KIF2C: variants seen among roughly 807,000 people sequenced by gnomAD.
KIF2C encodes kinesin-like protein KIF2C.
In KIF2C, 34 loss-of-function variants were observed where a neutral mutation model predicts 97.4. The ratio of observed to expected loss-of-function variants is 0.35; its 90% confidence interval spans 0.27 to 0.46. The LOEUF (loss-of-function observed/expected upper bound fraction) is 0.46, where lower values mean the gene tolerates loss of function less well. KIF2C is among the 20% of genes least tolerant of loss of function. The probability of loss-of-function intolerance (pLI) is 1.00; values close to 1 mark genes in which losing one functional copy is unlikely to be tolerated. For missense variants in KIF2C, 750 were observed against 907.6 expected, an observed-to-expected ratio of 0.83 and a Z score of 2.23; for synonymous variants, 313 against 318.2, an observed-to-expected ratio of 0.98 and a Z score of 0.17.
intron 1 of KIF2C, 109 bp downstream of exon 1, chr1:44,740,111 C>T (rs1479152618): frequency 1.5e-6 from 2 of 1,324,860 alleles, no homozygotes; most frequent in Non-Finnish European, 2.2e-6. Flanking sequence ...TCTCTCCCTC[C>T]CTCCTTTTCA....
At chr1:44,748,245 A>G (rs1649324988) in intron 4 of KIF2C, among the ~76,000 whole-genome samples, 1 of 152,210 alleles carries the variant, frequency 6.6e-6, no homozygotes, top group Non-Finnish European at 1.5e-5. Flanking sequence ...GCTTCCCAAA[A>G]GATCCAGCTT....
At chr1:44,765,062 G>C (rs901944637) in intron 19 of KIF2C, among the ~76,000 whole-genome samples, 6 of 152,140 alleles carry the variant, frequency 3.9e-5, no homozygotes, top group African/African-American at 1.4e-4. Flanking sequence ...GAAGGTTATA[G>C]TGAGCCGAGA....
chr1:44,745,352 ATCC>A (rs1349557237), intron 2 of KIF2C, among the ~76,000 whole-genome samples: 38 of 138,678 alleles, frequency 2.7e-4, no homozygotes, highest in Middle Eastern at 8.5e-3. Flanking sequence ...TAGTGATTCT[ATCC>A]TCCTTTTTTT....
chr1:44,741,379 CAAAAAA>C lies in KIF2C; in HGVS notation c.165+388_165+393del, dbSNP rs764626810. ...CCTGGGTGACAGTGAGAATCTGTCT[CAAAAAA>C]AAAAAAAAAAAAAAATTGGCTGGGT... On this transcript the variant is annotated intron_variant, in intron 2 of 20. Transcript: ENST00000372224. 5.1e-5 allele frequency among the ~76,000 whole-genome samples: 3 copies of C among 58,494 alleles called. No homozygotes were observed. The East Asian group carries it at 1.5e-3, about 30-fold the overall frequency. 38.4% of individuals were successfully genotyped at this position (58,494 alleles called of 152,430 possible).
chr1:44,760,492 G>T lies in KIF2C; in HGVS notation c.1572+8G>T, dbSNP rs1434707187. On this transcript the variant is annotated splice_region_variant and intron_variant, in intron 15 of 20. Transcript: ENST00000372224. This position sits in a 1 kb window ranked among gnomAD's most constrained non-coding sequence, Gnocchi z 4.2. ...AGTCTCTTAGCCCTGAAGGTAGTGG[G>T]GCAGCTAGAGCTGGTTGGCCGGGAG... 6.2e-7 allele frequency: 1 copy of T among 1,613,700 alleles called. No homozygotes were observed.
At chr1:44,761,308 T>C (rs1473618852) in intron 16 of KIF2C, among the ~76,000 whole-genome samples, 3 of 152,108 alleles carry the variant, frequency 2.0e-5, no homozygotes, top group Non-Finnish European at 4.4e-5. Flanking sequence ...CCACAGAGCT[T>C]TAAGATAGGA....
intron 1 of KIF2C, 136 bp from the exon 2 acceptor site, chr1:44,740,777 T>G: frequency 7.4e-6 from 4 of 538,354 alleles, no homozygotes; most frequent in Non-Finnish European, 9.9e-6. Flanking sequence ...TTGTTTCTCT[T>G]AGTTTTTTTT....
At chr1:44,761,490 C>T (rs1040732959) in intron 16 of KIF2C, among the ~76,000 whole-genome samples, 1 of 151,944 alleles carries the variant, frequency 6.6e-6, no homozygotes, top group Non-Finnish European at 1.5e-5. Flanking sequence ...TGCCTGTAGT[C>T]CCAGCTACTC....
intron 19 of KIF2C, among the ~76,000 whole-genome samples, chr1:44,763,737 C>G (rs576534582): frequency 7.4e-4 from 113 of 151,962 alleles, no homozygotes; most frequent in Non-Finnish European, 9.6e-4. Flanking sequence ...GGAAAGGGTT[C>G]AAGAAAAACT....
rs1280958971 is a variant in KIF2C at position 44,760,271 on chromosome 1, T to C, written c.1368-9T>C. ...GACCACAGAATCTCATAACCTTTCTTTACCACAGAACCTCTGGGCAGACAT... is the reference window on the plus strand; with the variant it reads ...GACCACAGAATCTCATAACCTTTCTCTACCACAGAACCTCTGGGCAGACAT... On this transcript the variant is annotated splice_polypyrimidine_tract_variant and intron_variant, in intron 14 of 20. Transcript: ENST00000372224. This position sits in a 1 kb window ranked among gnomAD's most constrained non-coding sequence, Gnocchi z 4.2. 4 of 1,613,498 alleles carry C rather than the reference T, an allele frequency of 2.5e-6. No individual in the cohort carries two copies. The highest frequency in any genetic ancestry group is 2.2e-5 in the South Asian group (2 of 91,072).
Position 44,759,192 on chromosome 1 carries a change from C to G in KIF2C, c.1225-14C>G. On this transcript the variant is annotated splice_polypyrimidine_tract_variant and intron_variant, in intron 13 of 20. Coordinates refer to ENST00000372224, the MANE Select transcript of KIF2C (RefSeq NM_006845.4). The stretch of plus-strand genomic sequence containing the variant: ...GCCCAGTGGCCTTAGCCTCATTCCC[C>G]CTGCCTGGCACAGCTGTTTGACCTG... The G allele has an allele frequency of 6.2e-7, 1 of 1,613,710 alleles. No homozygotes were observed. Among genetic ancestry groups the G allele is most frequent in the Non-Finnish European group, 8.5e-7 (1 of 1,179,870 alleles).
intron 14 of KIF2C, 49 bp downstream of exon 14, chr1:44,759,397 T>C (rs1251230900): frequency 4.4e-6 from 7 of 1,608,040 alleles, no homozygotes; most frequent in African/African-American, 1.3e-5. Context: ...GTCTGGTTTA[T>C]GAGTAAAGTC....
chr1:44,743,576 G>A (rs575167586), intron 2 of KIF2C, among the ~76,000 whole-genome samples: 1 of 152,186 alleles, frequency 6.6e-6, no homozygotes, highest in South Asian at 2.1e-4. Context: ...ACCTCTTGAG[G>A]CCAGGAGTTT....
chr1:44,743,247 G>T (rs1339314886), intron 2 of KIF2C, among the ~76,000 whole-genome samples: 2 of 152,186 alleles, frequency 1.3e-5, no homozygotes, highest in Non-Finnish European at 2.9e-5. Flanking sequence ...ACTGGGCTAG[G>T]AGTATGAAAA....
At chr1:44,765,025 C>CA (rs1487987304) in intron 19 of KIF2C, among the ~76,000 whole-genome samples, 1 of 152,046 alleles carries the variant, frequency 6.6e-6, no homozygotes, top group Non-Finnish European at 1.5e-5. Context: ...GAGGCTGAGG[C>CA]AGGAGAATCA....
At chr1:44,766,630 G>GA (rs1020968143) in intron 19 of KIF2C, among the ~76,000 whole-genome samples, 196 bp from the exon 20 acceptor site, 3 of 151,896 alleles carry the variant, frequency 2.0e-5, no homozygotes, top group African/African-American at 4.8e-5. Context: ...CAAAGAAAAC[G>GA]AAAAAAACAA....
intron 2 of KIF2C, among the ~76,000 whole-genome samples, chr1:44,744,186 C>T (rs1467512192): frequency 6.6e-6 from 1 of 152,042 alleles, no homozygotes; most frequent in African/African-American, 2.4e-5. Flanking sequence ...CGGCTCACTA[C>T]AACCTCCATG....
chr1:44,756,544 C>CTTTTTTTTTTTTT, intron 10 of KIF2C, among the ~76,000 whole-genome samples: 1 of 65,242 alleles, frequency 1.5e-5, no homozygotes, highest in Non-Finnish European at 2.6e-5. Flanking sequence ...GCTCTATCTG[C>CTTTTTTTTTTTTT]TTTTTTTTTT....
At position 44,758,158 on chromosome 1, in the gene KIF2C, C is replaced by T; in HGVS notation, c.1224+18C>T. The T allele has an allele frequency of 6.2e-7, 1 of 1,608,504 alleles. No individual in the cohort carries two copies. Among genetic ancestry groups the T allele is most frequent in the South Asian group, 1.1e-5 (1 of 90,912 alleles). ...ATGGGAAGGTAGCTGGCAGGAAGCC[C>T]CTTGTTTACACTGTTGGGGCCCAGC... On this transcript the variant is annotated intron_variant, in intron 13 of 20. Transcript: ENST00000372224.
Sources: allele counts gnomAD v4.1 joint callset (sites outside exome capture counted in the v4.1 genomes callset), GRCh38; gene constraint gnomAD v4.1.1; non-coding constraint Gnocchi (gnomAD v3.1); transcripts MANE v1.5; gene names NCBI Gene and HGNC (gene_info 2026-07-23, HGNC 2026-07-21).